Variants in MYH4 observed in about 807,000 individuals in gnomAD.
MYH4 encodes the protein myosin heavy chain 4.
In MYH4, 200 loss-of-function variants were observed where a neutral mutation model predicts 229.9. The ratio of observed to expected loss-of-function variants is 0.87; its 90% confidence interval spans 0.78 to 0.98. The LOEUF is 0.98. MYH4 is among the 50% of genes least tolerant of loss of function. The pLI, the probability that MYH4 is intolerant of heterozygous loss-of-function variation, is 0.00. For synonymous variants in MYH4, 761 were observed against 834.6 expected, an observed-to-expected ratio of 0.91 and a Z score of 1.52; for missense variants, 2,148 against 2,332.6, an observed-to-expected ratio of 0.92 and a Z score of 1.63.
chr17:10,466,834 T>A (rs1041666107), intron 2 of MYH4, 50 bp from the exon 3 acceptor site: 12 of 1,505,252 alleles, frequency 8.0e-6, no homozygotes, highest in Non-Finnish European at 1.1e-5. Flanking sequence ...GGGTGGAGAA[T>A]TGTTCTGTTG....
At chr17:10,466,844 G>A (rs1206554924) in intron 2 of MYH4, 60 bp from the exon 3 acceptor site, 1 of 1,447,342 alleles carries the variant, frequency 6.9e-7, no homozygotes, top group Non-Finnish European at 9.5e-7. Flanking sequence ...TTGTTCTGTT[G>A]ATTTCATATT....
In MYH4 at chr17:10,447,061, C is replaced by T. The variant is rs970185654; in HGVS notation, c.5121G>A (p.Glu1707=). 2 of 1,614,152 alleles carry T rather than the reference C, an allele frequency of 1.2e-6. No individual in the cohort carries two copies. The highest frequency in any genetic ancestry group is 1.7e-6 in the Non-Finnish European group (2 of 1,180,016). The change falls in exon 35 of 40, where the codon GAG becomes GAA. Residue 1707 remains glutamate (E), a synonymous_variant. Coordinates refer to ENST00000255381, the MANE Select transcript of MYH4 (RefSeq NM_017533.2). ...GTTCACTGGCATCCAGAAGCTCTTG[C>T]TCTGCCATTTTCCTGCCTCTCTCAG... ...ERTERGRKMA[E]QELLDASERV...
intron 28 of MYH4, 38 bp downstream of exon 28, chr17:10,451,288 G>T: frequency 6.2e-7 from 1 of 1,605,390 alleles, no homozygotes; most frequent in Non-Finnish European, 8.5e-7. Context: ...TCTTTCATTC[G>T]TCACCTCTCC....
chr17:10,447,777 A>G lies in MYH4; in HGVS notation c.4965+41T>C, dbSNP rs781496652. On this transcript the variant is annotated intron_variant, in intron 34 of 39. Coordinates refer to ENST00000255381, the MANE Select transcript of MYH4 (RefSeq NM_017533.2). ...ATTAAAATTTGAGTTACACAGTAGCACTGAGACTGTACAACACTATGTGTA... is the reference window on the plus strand; with the variant it reads ...ATTAAAATTTGAGTTACACAGTAGCGCTGAGACTGTACAACACTATGTGTA... The G allele has an allele frequency of 3.3e-6, 5 of 1,534,032 alleles. No homozygotes were observed. The East Asian group carries it at 1.1e-4, about 35-fold the overall frequency.
intron 23 of MYH4, 79 bp downstream of exon 23, chr17:10,453,564 T>G: frequency 6.2e-7 from 1 of 1,602,022 alleles, no homozygotes; most frequent in Non-Finnish European, 8.5e-7. Flanking sequence ...TATTCAATCA[T>G]CTTAAGATTA....
At chr17:10,447,252 G>A (rs1188347868) in intron 34 of MYH4, 36 bp from the exon 35 acceptor site, 24 of 1,582,706 alleles carry the variant, frequency 1.5e-5, no homozygotes, top group Non-Finnish European at 2.0e-5. Flanking sequence ...TACTCATGCT[G>A]CACTTAAAGC....
chr17:10,449,194 TTC>T, intron 30 of MYH4, 147 bp from the exon 31 acceptor site: 1 of 706,162 alleles, frequency 1.4e-6, no homozygotes, highest in Non-Finnish European at 2.3e-6. Context: ...TCTCTTAGAA[TTC>T]TGTTTTCCCT....
In MYH4 at chr17:10,460,979, A is replaced by G. The variant is rs1437639130; in HGVS notation, c.1084T>C (p.Tyr362His). ...IYKLTGAVMH[Y>H]GNMKFKQKQR... ...TTTTGCTTGAATTTCATGTTCCCAT[A>G]ATGCATCACGGCTCCAGTGAGCTTG... The change falls in exon 12 of 40, where the codon TAT becomes CAT. Residue 362 changes from tyrosine (Y) to histidine (H), a missense_variant. Transcript: ENST00000255381. The G allele has an allele frequency of 1.1e-5, 17 of 1,613,952 alleles. No homozygotes were observed. The highest frequency in any genetic ancestry group is 2.2e-5 in the East Asian group (1 of 44,880).
chr17:10,456,703 C>T lies in MYH4; in HGVS notation c.1898-148G>A, dbSNP rs1597420252. 19 of 629,962 alleles carry T rather than the reference C, an allele frequency of 3.0e-5. No individual in the cohort carries two copies. The East Asian group carries it at 4.7e-4, about 16-fold the overall frequency. The allele number at this position is 629,962 out of a possible 1,614,324, so 39.0% of individuals were successfully genotyped here. ...CCTATTCTTTCCATATCTCTCCTCC[C>T]TCAATTGTAGATTAAGAAAGTCTAA... is the stretch of plus-strand genomic sequence containing the variant. On this transcript the variant is annotated intron_variant, in intron 16 of 39. Coordinates refer to ENST00000255381, the MANE Select transcript of MYH4 (RefSeq NM_017533.2).
intron 15 of MYH4, among the ~76,000 whole-genome samples, chr17:10,458,341 T>C (rs1410699598): frequency 6.6e-6 from 1 of 152,198 alleles, no homozygotes; most frequent in African/African-American, 2.4e-5. Flanking sequence ...CCCCTAAGAC[T>C]ATTTTGGTGA....
Position 10,450,639 on chromosome 17 carries a change from G to T in MYH4, c.3995C>A (p.Thr1332Asn), listed in dbSNP as rs1243341718. ...QLEEETKAKS[T>N]LAHALQSARH... ...GGCTGACTGCAGGGCATGGGCCAGAGTGCTCTTGGCCTAGACCAACCAAAA... is the reference window on the plus strand; with the variant it reads ...GGCTGACTGCAGGGCATGGGCCAGATTGCTCTTGGCCTAGACCAACCAAAA... The change falls in exon 30 of 40, where the codon ACT becomes AAT. Residue 1332 changes from threonine (T) to asparagine (N), a missense_variant. Transcript: ENST00000255381. 1 of 1,614,022 alleles carries T rather than the reference G, an allele frequency of 6.2e-7. No homozygotes were observed. Among genetic ancestry groups the T allele is most frequent in the Non-Finnish European group, 8.5e-7 (1 of 1,180,010 alleles).
chr17:10,445,044 G>T lies in MYH4; in HGVS notation c.5398C>A (p.Arg1800Ser). 6.2e-7 allele frequency: 1 copy of T among 1,614,142 alleles called. No homozygotes were observed. Among genetic ancestry groups the T allele is most frequent in the Non-Finnish European group, 8.5e-7 (1 of 1,180,026 alleles). Residue 1800 changes from arginine to serine, a missense_variant, in exon 37 of 40, where the codon CGT becomes AGT. Arg to Ser is a moderately radical substitution (Grantham distance 110). Coordinates refer to ENST00000255381, the MANE Select transcript of MYH4 (RefSeq NM_017533.2). ...MEQTVKDLQL[R>S]LDEAEQLALK... Reference sequence around the variant, plus strand: ...GCCAGCTGCTCAGCCTCATCCAGACGGAGCTGCAGATCCTTCACGGTCTGC... The same window carrying T: ...GCCAGCTGCTCAGCCTCATCCAGACTGAGCTGCAGATCCTTCACGGTCTGC...
At chr17:10,446,528 T>C (rs2072513433) in intron 35 of MYH4, among the ~76,000 whole-genome samples, 1 of 152,184 alleles carries the variant, frequency 6.6e-6, no homozygotes, top group Non-Finnish European at 1.5e-5. Context: ...ACCATTTATT[T>C]AACAAATTCA....
Position 10,456,470 on chromosome 17 carries a change from A to C in MYH4, c.1968+15T>G, listed in dbSNP as rs963989960. The stretch of plus-strand genomic sequence containing the variant: ...TAATGAAAGTATTTATCTGTAATTC[A>C]AGAATATACTGTACCCTGAAAAGAG... On this transcript the variant is annotated intron_variant, in intron 17 of 39. Transcript: ENST00000255381. The C allele has an allele frequency of 6.3e-7, 1 of 1,581,854 alleles. No individual in the cohort carries two copies. Among genetic ancestry groups the C allele is most frequent in the Admixed American group, 1.9e-5 (1 of 52,508 alleles).
intron 4 of MYH4, 113 bp from the exon 5 acceptor site, chr17:10,465,711 G>C: frequency 7.4e-6 from 9 of 1,214,030 alleles, no homozygotes; most frequent in Non-Finnish European, 1.0e-5. Flanking sequence ...TTCTCATAAA[G>C]TTTCATTCAT....
intron 4 of MYH4, 28 bp downstream of exon 4, chr17:10,466,245 T>C (rs1423652387): frequency 6.2e-7 from 1 of 1,608,992 alleles, no homozygotes; most frequent in East Asian, 2.2e-5. Flanking sequence ...GTGGAGTGAG[T>C]GAGAAATAGC....
Position 10,455,121 on chromosome 17 carries a change from A to G in MYH4, c.2299-44T>C, listed in dbSNP as rs756602269. On this transcript the variant is annotated intron_variant, in intron 20 of 39. Coordinates refer to ENST00000255381, the MANE Select transcript of MYH4 (RefSeq NM_017533.2). ...AAATATGTTATTTCCACTTACAGGA[A>G]AGTCTAAAAGTGATAGAATTATGAC... 4 of 1,613,930 alleles carry G rather than the reference A, an allele frequency of 2.5e-6. No individual in the cohort carries two copies. In the Admixed American group the frequency reaches 6.7e-5, roughly 27 times the overall value.
chr17:10,458,520 C>A (rs1253383631), intron 15 of MYH4, among the ~76,000 whole-genome samples: 1 of 152,110 alleles, frequency 6.6e-6, no homozygotes, highest in African/African-American at 2.4e-5. Context: ...TGAATTTTAA[C>A]CTGAGTATTT....
In MYH4 at chr17:10,462,821, T is replaced by C. The variant is rs1287020823; in HGVS notation, c.1008+44A>G. 37 of 1,496,748 alleles carry C rather than the reference T, an allele frequency of 2.5e-5. No individual in the cohort carries two copies. The Admixed American group carries it at 6.2e-4, about 25-fold the overall frequency. The allele number at this position is 1,496,748 out of a possible 1,614,324, so 92.7% of individuals were successfully genotyped here. On this transcript the variant is annotated intron_variant, in intron 11 of 39. Transcript: ENST00000255381. ...CCTAATAGAGGAGAGTGTTGTACACTGGAAAATGAATTTACTTTTTACTAC... is the reference window on the plus strand; with the variant it reads ...CCTAATAGAGGAGAGTGTTGTACACCGGAAAATGAATTTACTTTTTACTAC...
Sources: allele counts gnomAD v4.1 joint callset (sites outside exome capture counted in the v4.1 genomes callset), GRCh38; gene constraint gnomAD v4.1.1; transcripts MANE v1.5; gene names NCBI Gene and HGNC (gene_info 2026-07-23, HGNC 2026-07-21).